THSD7A: variants seen among roughly 807,000 people sequenced by gnomAD.
The protein encoded by THSD7A is thrombospondin type-1 domain-containing protein 7A.
THSD7A carries 96 observed loss-of-function variants against 231.3 expected under a neutral mutation model. The ratio of observed to expected loss-of-function variants is 0.41; its 90% CI spans 0.35 to 0.49. The LOEUF is 0.49. THSD7A is among the 20% of genes least tolerant of loss of function. THSD7A has a pLI of 0.05. For synonymous variants in THSD7A, 940 were observed against 743.3 expected (o/e 1.26, Z -4.30); for missense variants, 2,290 against 2,070.2 (o/e 1.11, Z -2.06).
chr7:11,563,637 G>A (rs1790171507), intron 4 of THSD7A, among the ~76,000 whole-genome samples: 1 of 152,158 alleles, frequency 6.6e-6, no homozygotes, highest in Non-Finnish European at 1.5e-5. Flanking sequence ...GCTGGGACAA[G>A]AGGCATGAGC....
chr7:11,636,858 G>A lies in THSD7A; in HGVS notation c.294C>T (p.Asn98=). The A allele has an allele frequency of 6.2e-7, 1 of 1,613,958 alleles. No individual in the cohort carries two copies. Among genetic ancestry groups the A allele is most frequent in the African/African-American group, 1.3e-5 (1 of 75,034 alleles). The stretch of plus-strand genomic sequence containing the variant: ...TATTGGGTCTCTCGGCCTGCTTACA[G>A]TTAGTATGCAGTGTAGTCCATCCCT... ...HVEGWTTLHT[N]CKQAERPNNQ... Residue 98 remains asparagine, a synonymous_variant, in exon 2 of 28, where the codon AAC becomes AAT. Transcript: ENST00000423059. The surrounding 1 kb of genome is among the most constrained non-coding windows in gnomAD (Gnocchi z 10.0).
At chr7:11,436,671 TA>T (rs1445823886) in intron 13 of THSD7A, among the ~76,000 whole-genome samples, 1 of 151,450 alleles carries the variant, frequency 6.6e-6, no homozygotes, top group Non-Finnish European at 1.5e-5. Context: ...TAAGATTTTT[TA>T]AAGTAGGTTT....
At position 11,521,494 on chromosome 7, in the gene THSD7A, TTA is replaced by T. The variant is rs1208088730; in HGVS notation, c.1822+19923_1822+19924del. ...TTTTTTATTTTATTTATTTATTTAT[TTA>T]TTTTTTTATTATACTCTAAGTTTTA... On this transcript the variant is annotated intron_variant, in intron 6 of 27. Transcript: ENST00000423059. 2.8e-5 allele frequency among the ~76,000 whole-genome samples: 4 copies of T among 141,008 alleles called. 1 individual carries two copies. Among genetic ancestry groups the T allele is most frequent in the Admixed American group, 7.0e-5 (1 of 14,338 alleles). 92.5% of individuals were successfully genotyped at this position (141,008 alleles called of 152,430 possible).
intron 1 of THSD7A, among the ~76,000 whole-genome samples, chr7:11,714,068 A>G (rs1364072963): frequency 6.6e-6 from 1 of 151,256 alleles, no homozygotes; most frequent in African/African-American, 2.4e-5. Flanking sequence ...CACAATTTTA[A>G]AACTATTTGT....
intron 1 of THSD7A, among the ~76,000 whole-genome samples, chr7:11,728,760 C>A (rs926301086): frequency 6.6e-6 from 1 of 151,766 alleles, no homozygotes; most frequent in African/African-American, 2.4e-5. Context: ...CCAGTATCAA[C>A]TTGTATACTA....
At chr7:11,699,765 T>C (rs959205669) in intron 1 of THSD7A, among the ~76,000 whole-genome samples, 7 of 151,282 alleles carry the variant, frequency 4.6e-5, no homozygotes, top group African/African-American at 9.7e-5. Flanking sequence ...GCTTTCCACC[T>C]ACATAACTGA....
intron 27 of THSD7A, 136 bp from the exon 28 acceptor site, chr7:11,376,014 A>G: frequency 1.4e-6 from 1 of 698,990 alleles, no homozygotes; most frequent in Non-Finnish European, 2.4e-6. Flanking sequence ...AAGTCTATCT[A>G]CCTTAGAATT....
At chr7:11,676,035 G>A (rs572398795) in intron 1 of THSD7A, among the ~76,000 whole-genome samples, 1 of 152,292 alleles carries the variant, frequency 6.6e-6, no homozygotes, top group Non-Finnish European at 1.5e-5. Flanking sequence ...AATCTGGCAG[G>A]TGCCCCTCTA....
intron 1 of THSD7A, among the ~76,000 whole-genome samples, chr7:11,692,897 A>G (rs553985285): frequency 1.3e-5 from 2 of 151,702 alleles, no homozygotes; most frequent in South Asian, 2.1e-4. Flanking sequence ...GATCAAGTCT[A>G]TGGCTTCACA....
chr7:11,627,331 A>G (rs1197433717), intron 2 of THSD7A, among the ~76,000 whole-genome samples: 1 of 152,112 alleles, frequency 6.6e-6, no homozygotes, highest in East Asian at 1.9e-4. Context: ...CATAGATTAT[A>G]AATTCATACA....
rs1784611528 is a variant in THSD7A at position 11,814,105 on chromosome 7, A to C, written c.190+17652T>G. On this transcript the variant is annotated intron_variant, in intron 1 of 27. Transcript: ENST00000423059. The surrounding 1 kb of genome is among the most constrained non-coding windows in gnomAD (Gnocchi z 5.1). ...AAGGTCCAGACTAGGCGAATAGAGA[A>C]AAAGTAGATTGGTATTTGCCCGGGA... Among the ~76,000 whole-genome samples the C allele has an allele frequency of 6.6e-6, 1 of 152,188 alleles. No homozygotes were observed. Among genetic ancestry groups the C allele is most frequent in the Admixed American group, 6.5e-5 (1 of 15,272 alleles).
intron 4 of THSD7A, among the ~76,000 whole-genome samples, chr7:11,562,829 C>G (rs1790131439): frequency 6.6e-6 from 1 of 152,048 alleles, no homozygotes; most frequent in Non-Finnish European, 1.5e-5. Context: ...TGTTTTGGTG[C>G]CATTGGCACT....
At chr7:11,752,878 A>T (rs1415726624) in intron 1 of THSD7A, among the ~76,000 whole-genome samples, 2 of 152,080 alleles carry the variant, frequency 1.3e-5, no homozygotes, top group African/African-American at 4.8e-5. Flanking sequence ...GTGATCCATG[A>T]TCACACCACT....
chr7:11,657,135 T>A lies in THSD7A; in HGVS notation c.191-20174A>T, dbSNP rs372918898. Reference sequence around the variant, plus strand: ...TTATAGCTCTTTGCCATGTATCCTATTAATATTGAATATGTATACATAGCA... The same window carrying A: ...TTATAGCTCTTTGCCATGTATCCTAATAATATTGAATATGTATACATAGCA... On this transcript the variant is annotated intron_variant, in intron 1 of 27. Transcript: ENST00000423059. Among the ~76,000 whole-genome samples, 32 of 151,970 alleles carry A rather than the reference T, an allele frequency of 2.1e-4. 1 individual carries two copies. In the East Asian group the frequency reaches 6.2e-3, roughly 30 times the overall value.
At chr7:11,827,119 T>A (rs1785055899) in intron 1 of THSD7A, among the ~76,000 whole-genome samples, 1 of 152,160 alleles carries the variant, frequency 6.6e-6, no homozygotes, top group African/African-American at 2.4e-5. Context: ...TCCTTCCACC[T>A]TGACCTCTAA....
At chr7:11,448,583 C>T (rs1785048986) in intron 11 of THSD7A, among the ~76,000 whole-genome samples, 2 of 152,082 alleles carry the variant, frequency 1.3e-5, no homozygotes, top group Non-Finnish European at 2.9e-5. Flanking sequence ...CCTTAAATTA[C>T]AGTGAGGGCA....
chr7:11,830,693 G>T (rs1158642568), intron 1 of THSD7A, among the ~76,000 whole-genome samples: 4 of 152,162 alleles, frequency 2.6e-5, no homozygotes, highest in Admixed American at 1.3e-4. Flanking sequence ...TATCGATAGT[G>T]ATGCAATTGT....
At chr7:11,739,590 A>AT (rs199638565) in intron 1 of THSD7A, among the ~76,000 whole-genome samples, 133 of 150,714 alleles carry the variant, frequency 8.8e-4, no homozygotes, top group African/African-American at 2.5e-3. Context: ...TTAAATTTGT[A>AT]TTTTTTTTTA....
At chr7:11,454,940 G>A (rs1011729751) in intron 11 of THSD7A, among the ~76,000 whole-genome samples, 1 of 151,942 alleles carries the variant, frequency 6.6e-6, no homozygotes, top group Admixed American at 6.6e-5. Flanking sequence ...TTCGGATCCT[G>A]CACTATTGCT....
Sources: gnomAD v4.1 joint callset for allele counts (sites outside exome capture counted in the v4.1 genomes callset) on GRCh38, gnomAD v4.1.1 for gene constraint, Gnocchi (gnomAD v3.1) non-coding constraint, MANE v1.5 for transcripts, NCBI Gene and HGNC (gene_info 2026-07-23, HGNC 2026-07-21) for gene names.